GRM1: variants seen among roughly 807,000 people sequenced by gnomAD.
GRM1 encodes the protein metabotropic glutamate receptor 1.
In GRM1, 33 loss-of-function variants were observed where a neutral mutation model predicts 90.9. The observed-to-expected ratio is 0.36, with a 90% CI of 0.28 to 0.49. The LOEUF (loss-of-function observed/expected upper bound fraction) is 0.49, where lower values mean the gene tolerates loss of function less well. GRM1 is among the 20% of genes least tolerant of loss of function. The probability of loss-of-function intolerance (pLI) is 0.99; values close to 1 mark genes in which losing one functional copy is unlikely to be tolerated. For synonymous variants in GRM1, 700 were observed against 613.2 expected (o/e 1.14, Z -2.09); for missense variants, 1,190 against 1,534.3 (o/e 0.78, Z 3.75).
At chr6:146,301,635 A>G (rs1392110061) in intron 2 of GRM1, among the ~76,000 whole-genome samples, 1 of 152,170 alleles carries the variant, frequency 6.6e-6, no homozygotes, top group African/African-American at 2.4e-5. Flanking sequence ...TATTTTTTTC[A>G]AGTTATGTCA....
intron 1 of GRM1, among the ~76,000 whole-genome samples, chr6:146,058,466 A>G (rs1775556312): frequency 2.0e-5 from 3 of 152,192 alleles, no homozygotes; most frequent in Non-Finnish European, 2.9e-5. Context: ...AAAAAATGCT[A>G]ATGATCATCT....
chr6:146,177,846 T>A (rs1778390186), intron 2 of GRM1, among the ~76,000 whole-genome samples: 1 of 152,158 alleles, frequency 6.6e-6, no homozygotes, highest in African/African-American at 2.4e-5. Flanking sequence ...ATTATTTTTA[T>A]AACAGGCCTA....
chr6:146,260,185 G>A (rs569762079), intron 2 of GRM1, among the ~76,000 whole-genome samples: 68 of 151,770 alleles, frequency 4.5e-4, no homozygotes, highest in African/African-American at 1.5e-3. Context: ...ACAGGTTCCA[G>A]TGTGTGATGT....
chr6:146,394,151 C>T lies in GRM1; in HGVS notation c.1730-4618C>T, dbSNP rs554190451. Among the ~76,000 whole-genome samples the T allele has an allele frequency of 5.3e-5, 8 of 152,176 alleles. No homozygotes were observed. In the South Asian group the frequency reaches 8.3e-4, roughly 16 times the overall value. On this transcript the variant is annotated intron_variant, in intron 6 of 7. Transcript: ENST00000282753. Reference sequence around the variant, plus strand: ...AAGATTTAAATGTAAGACCTAAATCCGTAAAAACTCTAGAAGAAAACCTAG... The same window carrying T: ...AAGATTTAAATGTAAGACCTAAATCTGTAAAAACTCTAGAAGAAAACCTAG...
chr6:146,345,272 A>G (rs551227815), intron 3 of GRM1, among the ~76,000 whole-genome samples: 18 of 152,292 alleles, frequency 1.2e-4, no homozygotes, highest in African/African-American at 4.1e-4. Flanking sequence ...GCTGAAGGAT[A>G]CTCTTTAATA....
At chr6:146,352,943 G>A (rs1217553788) in intron 4 of GRM1, among the ~76,000 whole-genome samples, 2 of 152,146 alleles carry the variant, frequency 1.3e-5, no homozygotes, top group East Asian at 3.9e-4. Flanking sequence ...TATGCAAAGA[G>A]AACTAAGTCC....
At chr6:146,194,383 A>G (rs931214900) in intron 2 of GRM1, among the ~76,000 whole-genome samples, 2 of 152,138 alleles carry the variant, frequency 1.3e-5, no homozygotes, top group African/African-American at 2.4e-5. Context: ...AAGCCTTCAA[A>G]TCAATGACTT....
chr6:146,106,117 A>G (rs1777218376), intron 1 of GRM1, among the ~76,000 whole-genome samples: 1 of 152,228 alleles, frequency 6.6e-6, no homozygotes, highest in Admixed American at 6.5e-5. Context: ...TTAATGCGTC[A>G]TTAAGCATAA....
In GRM1 at chr6:146,171,723, A is replaced by G. The variant is rs1778133927; in HGVS notation, c.950+12126A>G. ...AAAGCAAAAGAACAGCTGAAGATCC[A>G]TAAAAGCAATCAGATACCTACTAAG... On this transcript the variant is annotated intron_variant, in intron 2 of 7. Transcript: ENST00000282753. 4.1e-5 allele frequency: 12 copies of G among 295,784 alleles called. No individual in the cohort carries two copies. In the Admixed American group the frequency reaches 4.3e-4, roughly 11 times the overall value. 18.3% of individuals were successfully genotyped at this position (295,784 alleles called of 1,614,324 possible).
intron 2 of GRM1, among the ~76,000 whole-genome samples, chr6:146,226,006 G>A (rs981902150): frequency 2.6e-5 from 4 of 152,232 alleles, no homozygotes; most frequent in African/African-American, 9.6e-5. Flanking sequence ...TGTGATAACT[G>A]TGTTGTAAAT....
chr6:146,084,970 G>A (rs769486819), intron 1 of GRM1, among the ~76,000 whole-genome samples: 12 of 152,080 alleles, frequency 7.9e-5, no homozygotes, highest in Admixed American at 6.6e-5. Flanking sequence ...ACTGTACTTT[G>A]AAGAGAAATG....
At chr6:146,248,089 G>C (rs1029781662) in intron 2 of GRM1, among the ~76,000 whole-genome samples, 1 of 151,714 alleles carries the variant, frequency 6.6e-6, no homozygotes, top group South Asian at 2.1e-4. Flanking sequence ...TTAGACAAAA[G>C]CTTTCTGCTT....
At chr6:146,112,026 T>C (rs1300334932) in intron 1 of GRM1, among the ~76,000 whole-genome samples, 1 of 152,226 alleles carries the variant, frequency 6.6e-6, no homozygotes, top group Non-Finnish European at 1.5e-5. Context: ...TTGATCAGGC[T>C]TGTTAGATGT....
At chr6:146,347,186 T>G (rs1289805027) in intron 3 of GRM1, among the ~76,000 whole-genome samples, 1 of 152,176 alleles carries the variant, frequency 6.6e-6, no homozygotes. Context: ...AAACAAACAT[T>G]AAGCTAATAA....
chr6:146,171,330 G>T (rs9485052), intron 2 of GRM1: 1 of 152,134 alleles, frequency 6.6e-6, no homozygotes, highest in East Asian at 1.9e-4. Context: ...GCAACTGCAC[G>T]CCACTCTGCA....
chr6:146,267,619 G>A (rs1266956211), intron 2 of GRM1, among the ~76,000 whole-genome samples: 1 of 144,554 alleles, frequency 6.9e-6, no homozygotes, highest in African/African-American at 2.7e-5. Context: ...TGTAGGCTGG[G>A]AGGCTGGGCT....
chr6:146,056,449 T>A (rs895979041), intron 1 of GRM1, among the ~76,000 whole-genome samples: 29 of 152,178 alleles, frequency 1.9e-4, no homozygotes, highest in African/African-American at 6.3e-4. Flanking sequence ...AAACACCATA[T>A]AGACCCAACA....
intron 2 of GRM1, among the ~76,000 whole-genome samples, chr6:146,217,847 G>C (rs1779927429): frequency 6.6e-6 from 1 of 152,026 alleles, no homozygotes; most frequent in East Asian, 1.9e-4. Context: ...GCTTCCCAGA[G>C]AGGTGACTTT....
intron 6 of GRM1, among the ~76,000 whole-genome samples, chr6:146,392,995 C>G (rs1490167220): frequency 3.9e-5 from 6 of 151,986 alleles, no homozygotes; most frequent in Non-Finnish European, 8.8e-5. Context: ...GTGATACATA[C>G]CTGTGCATGT....
Sources: gnomAD v4.1 joint callset for allele counts (sites outside exome capture counted in the v4.1 genomes callset) on GRCh38, gnomAD v4.1.1 for gene constraint, MANE v1.5 for transcripts, NCBI Gene and HGNC (gene_info 2026-07-23, HGNC 2026-07-21) for gene names.